Variants in NELL1 observed in about 807,000 individuals in gnomAD.
NELL1 encodes protein kinase C-binding protein NELL1.
Under a neutral mutation model 107.4 loss-of-function variants are expected in NELL1, and 76 were observed. The observed-to-expected ratio is 0.71, with a 90% confidence interval of 0.59 to 0.86. The LOEUF (loss-of-function observed/expected upper bound fraction) is 0.86, where lower values mean the gene tolerates loss of function less well. Among genes scored for constraint, NELL1 ranks in the 40% least tolerant of loss-of-function variants. NELL1 has a pLI of 0.00. For missense variants in NELL1, 1,024 were observed against 1,005.5 expected (o/e 1.02, Z -0.25); for synonymous variants, 353 against 341.2 (o/e 1.03, Z -0.38).
At chr11:21,571,194 A>G (rs1278895006) in intron 18 of NELL1, among the ~76,000 whole-genome samples, 1 of 151,918 alleles carries the variant, frequency 6.6e-6, no homozygotes, top group African/African-American at 2.4e-5. Flanking sequence ...CTAAAAAGAA[A>G]TCAAGATCAA....
At chr11:20,782,722 AGAG>A (rs1417542084) in intron 2 of NELL1, among the ~76,000 whole-genome samples, 1 of 152,192 alleles carries the variant, frequency 6.6e-6, no homozygotes, top group Non-Finnish European at 1.5e-5. Flanking sequence ...TCAGGATGTG[AGAG>A]GAGGTCACCA....
At chr11:21,176,195 A>AAG (rs1205645798) in intron 13 of NELL1, among the ~76,000 whole-genome samples, 1 of 151,868 alleles carries the variant, frequency 6.6e-6, no homozygotes, top group African/African-American at 2.4e-5. Flanking sequence ...CTAAGTGGAG[A>AAG]TGTCATGAAT....
chr11:21,455,147 C>G (rs1004195785), intron 15 of NELL1, among the ~76,000 whole-genome samples: 2 of 152,052 alleles, frequency 1.3e-5, no homozygotes. Flanking sequence ...AAAATATATT[C>G]TCACTGGATG....
intron 2 of NELL1, among the ~76,000 whole-genome samples, chr11:20,691,268 C>G (rs1854458439): frequency 3.3e-5 from 5 of 151,440 alleles, no homozygotes; most frequent in Admixed American, 3.3e-4. Context: ...AATTGAATAC[C>G]CTTTATTTCC....
intron 19 of NELL1, among the ~76,000 whole-genome samples, chr11:21,574,586 T>A (rs1857179597): frequency 6.6e-6 from 1 of 151,856 alleles, no homozygotes; most frequent in South Asian, 2.1e-4. Context: ...TGGGGGTACT[T>A]TCAAATAGCT....
At chr11:21,076,527 A>G (rs1854140301) in intron 12 of NELL1, among the ~76,000 whole-genome samples, 1 of 152,196 alleles carries the variant, frequency 6.6e-6, no homozygotes, top group South Asian at 2.1e-4. Context: ...TCTCAGACTC[A>G]CAGAGCCAGG....
intron 12 of NELL1, among the ~76,000 whole-genome samples, chr11:21,053,277 C>A (rs896149003): frequency 3.9e-5 from 6 of 152,124 alleles, no homozygotes; most frequent in East Asian, 1.9e-4. Context: ...CCTAGCCCCC[C>A]ACCCTGTGAC....
intron 4 of NELL1, among the ~76,000 whole-genome samples, chr11:20,881,878 G>T (rs1849415386): frequency 6.6e-6 from 1 of 152,198 alleles, no homozygotes; most frequent in Non-Finnish European, 1.5e-5. Flanking sequence ...GCACAGCACA[G>T]TGTCATACAC....
chr11:20,839,443 A>G (rs1419141977), intron 3 of NELL1, among the ~76,000 whole-genome samples: 1 of 152,224 alleles, frequency 6.6e-6, no homozygotes. Flanking sequence ...ACAGAAAAGC[A>G]CTTCTTTCTA....
chr11:20,833,064 T>C (rs1858047278), intron 3 of NELL1, among the ~76,000 whole-genome samples: 1 of 152,174 alleles, frequency 6.6e-6, no homozygotes, highest in Non-Finnish European at 1.5e-5. Flanking sequence ...GTGGTCTGTG[T>C]TGATTCTTAT....
At position 21,342,702 on chromosome 11, in the gene NELL1, G is replaced by GGAGA. The variant is rs34390468; in HGVS notation, c.1550-28130_1550-28127dup. On this transcript the variant is annotated intron_variant, in intron 14 of 19. Transcript: ENST00000357134. ...AAAGAGATAGGAAAGGAAGGAAGAG[G>GGAGA]GAGAGAGAGAGAGAGAGAGAGAGAA... 1.1e-3 allele frequency among the ~76,000 whole-genome samples: 156 copies of GGAGA among 145,100 alleles called. 2 individuals are homozygous for GGAGA. Among genetic ancestry groups the GGAGA allele is most frequent in the African/African-American group, 2.1e-3 (81 of 38,964 alleles).
intron 3 of NELL1, among the ~76,000 whole-genome samples, chr11:20,821,906 C>A (rs1857762863): frequency 6.6e-6 from 1 of 152,172 alleles, no homozygotes; most frequent in South Asian, 2.1e-4. Context: ...TTATTTAATA[C>A]CCTCAAAGAG....
intron 2 of NELL1, among the ~76,000 whole-genome samples, chr11:20,716,143 C>A (rs1157293780): frequency 6.6e-6 from 1 of 152,174 alleles, no homozygotes; most frequent in Non-Finnish European, 1.5e-5. Context: ...CAGTCTCATG[C>A]TTACAGTCTG....
chr11:20,892,316 A>G (rs557712980), intron 5 of NELL1, among the ~76,000 whole-genome samples: 16 of 152,322 alleles, frequency 1.1e-4, no homozygotes, highest in African/African-American at 3.8e-4. Context: ...TTTGAAACCA[A>G]TGAGAACAAA....
chr11:21,061,496 C>T (rs1008598983), intron 12 of NELL1, among the ~76,000 whole-genome samples: 1 of 152,156 alleles, frequency 6.6e-6, no homozygotes, highest in African/African-American at 2.4e-5. Flanking sequence ...ACTTTGGGGC[C>T]AGATCCACTT....
At chr11:21,225,899 C>G (rs974147890) in intron 13 of NELL1, among the ~76,000 whole-genome samples, 1 of 152,114 alleles carries the variant, frequency 6.6e-6, no homozygotes, top group Non-Finnish European at 1.5e-5. Context: ...CTATCATTGT[C>G]CACATTTTAC....
At chr11:21,435,565 T>C (rs1300406230) in intron 15 of NELL1, among the ~76,000 whole-genome samples, 1 of 152,048 alleles carries the variant, frequency 6.6e-6, no homozygotes, top group Non-Finnish European at 1.5e-5. Flanking sequence ...TGAATTGAGA[T>C]GATTATATGA....
chr11:21,099,522 A>G, intron 12 of NELL1, among the ~76,000 whole-genome samples: 1 of 152,196 alleles, frequency 6.6e-6, no homozygotes, highest in East Asian at 1.9e-4. Context: ...TAGGTCCCCA[A>G]GGCTGGCTAG....
At chr11:20,846,428 TG>T (rs1284560882) in intron 3 of NELL1, among the ~76,000 whole-genome samples, 12 of 152,178 alleles carry the variant, frequency 7.9e-5, no homozygotes, top group Admixed American at 1.3e-4. Flanking sequence ...GCCAGCTCAG[TG>T]GATTAGAATA....
Sources: gnomAD v4.1 joint callset for allele counts (sites outside exome capture counted in the v4.1 genomes callset) on GRCh38, gnomAD v4.1.1 for gene constraint, MANE v1.5 for transcripts, NCBI Gene and HGNC (gene_info 2026-07-23, HGNC 2026-07-21) for gene names.